Variants in GRIK2 observed in about 807,000 individuals in gnomAD.
The protein encoded by GRIK2 is glutamate ionotropic receptor kainate type subunit 2, also known as glutamate receptor ionotropic, kainate 2.
In GRIK2, 32 loss-of-function variants were observed where a neutral mutation model predicts 100.3. That is an observed-to-expected ratio of 0.32 (90% CI 0.24 to 0.43). The LOEUF (loss-of-function observed/expected upper bound fraction) is 0.43, where lower values mean the gene tolerates loss of function less well. GRIK2 is among the 20% of genes least tolerant of loss of function. The pLI is 1.00. For missense variants in GRIK2, 843 were observed against 1,114.9 expected, an observed-to-expected ratio of 0.76 and a Z score of 3.47; for synonymous variants, 417 against 389.4, an observed-to-expected ratio of 1.07 and a Z score of -0.83.
intron 2 of GRIK2, among the ~76,000 whole-genome samples, chr6:101,517,515 A>T (rs1008518694): frequency 2.9e-5 from 4 of 137,674 alleles, no homozygotes; most frequent in Non-Finnish European, 6.0e-5. Flanking sequence ...AACATTTGAG[A>T]TAATTAATTT....
chr6:101,885,699 T>C (rs1176382097), intron 11 of GRIK2, among the ~76,000 whole-genome samples: 1 of 152,110 alleles, frequency 6.6e-6, no homozygotes, highest in Non-Finnish European at 1.5e-5. Flanking sequence ...ACACAATATA[T>C]CTACTAACTG....
intron 9 of GRIK2, among the ~76,000 whole-genome samples, chr6:101,808,192 C>T (rs1781121927): frequency 6.6e-6 from 1 of 151,926 alleles, no homozygotes; most frequent in African/African-American, 2.4e-5. Context: ...TAGACTGTAA[C>T]TTCAAAAGGA....
intron 7 of GRIK2, among the ~76,000 whole-genome samples, chr6:101,694,830 T>G (rs1340065326): frequency 6.6e-6 from 1 of 151,852 alleles, no homozygotes; most frequent in Non-Finnish European, 1.5e-5. Context: ...TTCAGTTTTA[T>G]GAATAATCTT....
intron 3 of GRIK2, among the ~76,000 whole-genome samples, chr6:101,626,143 C>T (rs1040670217): frequency 2.0e-5 from 3 of 152,118 alleles, no homozygotes; most frequent in African/African-American, 4.8e-5. Context: ...CCTCCCCTGA[C>T]ATTATTTATA....
At chr6:101,454,859 A>T (rs1453556104) in intron 2 of GRIK2, among the ~76,000 whole-genome samples, 1 of 152,070 alleles carries the variant, frequency 6.6e-6, no homozygotes, top group Admixed American at 6.6e-5. Flanking sequence ...AGCCTGGTAG[A>T]TTTTCAAGAT....
chr6:101,405,610 G>A (rs946298228), intron 2 of GRIK2, among the ~76,000 whole-genome samples: 10 of 151,942 alleles, frequency 6.6e-5, no homozygotes, highest in African/African-American at 2.4e-4. Flanking sequence ...ATTTTAGGTT[G>A]TTTTTAAAAT....
At chr6:101,707,239 CAA>C (rs1225405575) in intron 7 of GRIK2, among the ~76,000 whole-genome samples, 1 of 151,316 alleles carries the variant, frequency 6.6e-6, no homozygotes, top group East Asian at 2.0e-4. Context: ...TGTTAAGAAA[CAA>C]ATTCATAAAT....
chr6:102,053,097 C>G (rs954000661), intron 15 of GRIK2, among the ~76,000 whole-genome samples: 6 of 151,730 alleles, frequency 4.0e-5, no homozygotes, highest in Non-Finnish European at 8.8e-5. Context: ...CAACAACACA[C>G]ACACACACAC....
chr6:101,499,223 T>A (rs1466802030), intron 2 of GRIK2, among the ~76,000 whole-genome samples: 1 of 152,128 alleles, frequency 6.6e-6, no homozygotes, highest in Non-Finnish European at 1.5e-5. Context: ...GACTTTGATA[T>A]GTGATGATGA....
chr6:101,653,914 C>G (rs1418487235), intron 4 of GRIK2, among the ~76,000 whole-genome samples: 1 of 152,130 alleles, frequency 6.6e-6, no homozygotes, highest in African/African-American at 2.4e-5. Flanking sequence ...AGCCACTGCA[C>G]CTGGCACTTT....
At chr6:101,575,863 G>A (rs1007158958) in intron 2 of GRIK2, among the ~76,000 whole-genome samples, 2 of 151,846 alleles carry the variant, frequency 1.3e-5, no homozygotes, top group Non-Finnish European at 2.9e-5. Context: ...CCCACACCTG[G>A]CATTTAAAGG....
chr6:101,956,696 T>C (rs1791956590), intron 14 of GRIK2, among the ~76,000 whole-genome samples: 1 of 151,634 alleles, frequency 6.6e-6, no homozygotes, highest in South Asian at 2.1e-4. Context: ...ATCTATGTTG[T>C]TGCAAAAGAC....
At chr6:101,868,287 C>T (rs769832174) in intron 11 of GRIK2, among the ~76,000 whole-genome samples, 1 of 150,030 alleles carries the variant, frequency 6.7e-6, no homozygotes, top group Non-Finnish European at 1.5e-5. Context: ...GGAATTTCAT[C>T]GCTCAAACAA....
intron 16 of GRIK2, among the ~76,000 whole-genome samples, chr6:102,064,591 T>A (rs577905153): frequency 6.6e-6 from 1 of 151,136 alleles, no homozygotes; most frequent in African/African-American, 2.4e-5. Flanking sequence ...TAAAATAAAT[T>A]TCAATCATTA....
At chr6:101,764,736 C>G (rs548454932) in intron 7 of GRIK2, among the ~76,000 whole-genome samples, 3 of 152,060 alleles carry the variant, frequency 2.0e-5, no homozygotes, top group African/African-American at 7.2e-5. Flanking sequence ...CCTGAAGGAT[C>G]TCCTGCCTCT....
At chr6:101,476,974 G>C (rs1315098577) in intron 2 of GRIK2, among the ~76,000 whole-genome samples, 1 of 152,128 alleles carries the variant, frequency 6.6e-6, no homozygotes, top group African/African-American at 2.4e-5. Flanking sequence ...TACCATACCA[G>C]AGTAGCAAAC....
chr6:101,940,796 A>G (rs960905905), intron 14 of GRIK2, among the ~76,000 whole-genome samples: 1 of 152,224 alleles, frequency 6.6e-6, no homozygotes, highest in Admixed American at 6.5e-5. Context: ...GGCTTCTAAT[A>G]AAACATGTGT....
At chr6:101,979,821 T>G (rs552866254) in intron 14 of GRIK2, among the ~76,000 whole-genome samples, 24 of 152,144 alleles carry the variant, frequency 1.6e-4, no homozygotes, top group African/African-American at 5.8e-4. Context: ...AAATATTCAT[T>G]GAGTTGCTGC....
chr6:101,610,886 C>T (rs1489241908), intron 2 of GRIK2, among the ~76,000 whole-genome samples: 1 of 151,692 alleles, frequency 6.6e-6, no homozygotes, highest in Non-Finnish European at 1.5e-5. Flanking sequence ...TTCCTGTTAT[C>T]TCAGTTTGAT....
Sources: allele counts gnomAD v4.1 joint callset (sites outside exome capture counted in the v4.1 genomes callset), GRCh38; gene constraint gnomAD v4.1.1; transcripts MANE v1.5; gene names NCBI Gene and HGNC (gene_info 2026-07-23, HGNC 2026-07-21).